Variants in RBFOX1 observed in about 807,000 individuals in gnomAD.
RBFOX1 encodes the protein RNA binding protein fox-1 homolog 1.
In RBFOX1, 8 loss-of-function variants were observed where a neutral mutation model predicts 57.7. The observed-to-expected ratio is 0.14, with a 90% CI of 0.08 to 0.25. RBFOX1 has a LOEUF of 0.25. RBFOX1 is among the 10% of genes least tolerant of loss of function. RBFOX1 has a pLI of 1.00. For synonymous variants in RBFOX1, 326 were observed against 222.4 expected (o/e 1.47, Z -4.15); for missense variants, 611 against 548.5 (o/e 1.11, Z -1.14).
intron 3 of RBFOX1, among the ~76,000 whole-genome samples, chr16:5,710,916 G>T (rs1286569294): frequency 6.6e-6 from 1 of 152,170 alleles, no homozygotes; most frequent in Non-Finnish European, 1.5e-5. Context: ...GAAAACATTA[G>T]CTTATGCTGT....
At chr16:6,409,575 T>A (rs2093392771) in intron 2 of RBFOX1, among the ~76,000 whole-genome samples, 1 of 152,132 alleles carries the variant, frequency 6.6e-6, no homozygotes, top group Non-Finnish European at 1.5e-5. Context: ...AGTTGTGGGA[T>A]TTTTTTAAGC....
At chr16:5,911,526 G>A (rs565702676) in intron 4 of RBFOX1, among the ~76,000 whole-genome samples, 3 of 152,136 alleles carry the variant, frequency 2.0e-5, no homozygotes, top group Non-Finnish European at 4.4e-5. Flanking sequence ...GCTGGTGTAC[G>A]TTATGAGTCT....
chr16:6,138,372 C>T (rs937684078), intron 1 of RBFOX1, among the ~76,000 whole-genome samples: 37 of 152,298 alleles, frequency 2.4e-4, no homozygotes, highest in African/African-American at 8.7e-4. Flanking sequence ...TTTAGAGGCT[C>T]ATAAGGCTGA....
chr16:5,896,575 C>G (rs2058168222), intron 4 of RBFOX1, among the ~76,000 whole-genome samples: 4 of 152,302 alleles, frequency 2.6e-5, no homozygotes, highest in Admixed American at 2.0e-4. Context: ...GTACAGCTTG[C>G]AGAACCATGA....
intron 3 of RBFOX1, among the ~76,000 whole-genome samples, chr16:5,843,957 C>T (rs1429905158): frequency 6.6e-6 from 1 of 152,116 alleles, no homozygotes; most frequent in Non-Finnish European, 1.5e-5. Context: ...GAAGAGTTTC[C>T]CTAGAGGGGA....
At chr16:7,704,455 G>T (rs926087297) in intron 14 of RBFOX1, among the ~76,000 whole-genome samples, 5 of 152,136 alleles carry the variant, frequency 3.3e-5, no homozygotes, top group African/African-American at 1.2e-4. Flanking sequence ...AATGTGTCTG[G>T]GAGCAGCTGA....
chr16:6,481,448 T>C (rs1165238491), intron 2 of RBFOX1, among the ~76,000 whole-genome samples: 1 of 152,260 alleles, frequency 6.6e-6, no homozygotes, highest in African/African-American at 2.4e-5. Flanking sequence ...GGGGTTGTAA[T>C]TAGGGCTTGC....
intron 9 of RBFOX1, among the ~76,000 whole-genome samples, chr16:7,604,205 G>A (rs993556299): frequency 1.3e-5 from 2 of 152,190 alleles, no homozygotes; most frequent in African/African-American, 2.4e-5. Context: ...GGTTTCATGA[G>A]TGGGGGGAGA....
intron 3 of RBFOX1, among the ~76,000 whole-genome samples, chr16:5,823,096 T>G (rs1003323945): frequency 6.6e-6 from 1 of 152,218 alleles, no homozygotes; most frequent in Non-Finnish European, 1.5e-5. Context: ...CTTTTCCCTC[T>G]TAGCGTATTA....
chr16:6,967,408 C>G (rs1211510908), intron 3 of RBFOX1, among the ~76,000 whole-genome samples: 1 of 152,074 alleles, frequency 6.6e-6, no homozygotes, highest in Non-Finnish European at 1.5e-5. Flanking sequence ...ATGGGAAGGC[C>G]AGTTGAAGCC....
chr16:7,615,137 T>A (rs1190917089), intron 10 of RBFOX1: 2 of 152,138 alleles, frequency 1.3e-5, no homozygotes, highest in Non-Finnish European at 2.9e-5. Context: ...ATTGAGACCA[T>A]CCTGGCTAAT....
intron 2 of RBFOX1, among the ~76,000 whole-genome samples, chr16:6,360,407 T>C (rs2088227234): frequency 6.6e-6 from 1 of 152,156 alleles, no homozygotes; most frequent in Non-Finnish European, 1.5e-5. Context: ...ATTGAGATGA[T>C]TTTAACATTC....
chr16:6,733,318 G>T (rs897572960), intron 3 of RBFOX1, among the ~76,000 whole-genome samples: 1 of 152,022 alleles, frequency 6.6e-6, no homozygotes, highest in Non-Finnish European at 1.5e-5. Flanking sequence ...TATGACTTGG[G>T]CATATATGTA....
At chr16:5,414,124 C>T (rs967739523) in intron 1 of RBFOX1, among the ~76,000 whole-genome samples, 3 of 152,114 alleles carry the variant, frequency 2.0e-5, no homozygotes. Context: ...AGTGCACTCC[C>T]GACCTGAACA....
At chr16:6,433,689 C>G (rs2094157164) in intron 2 of RBFOX1, among the ~76,000 whole-genome samples, 1 of 152,030 alleles carries the variant, frequency 6.6e-6, no homozygotes, top group Non-Finnish European at 1.5e-5. Context: ...TCCGGAGGCT[C>G]CAGGGAAGAA....
At chr16:7,680,076 C>A (rs2074349968) in intron 14 of RBFOX1, among the ~76,000 whole-genome samples, 3 of 152,152 alleles carry the variant, frequency 2.0e-5, no homozygotes. Context: ...GGCCTTTGGT[C>A]ATCCGGTCAT....
intron 3 of RBFOX1, among the ~76,000 whole-genome samples, chr16:5,736,998 A>C (rs2052601278): frequency 7.0e-6 from 1 of 143,288 alleles, no homozygotes; most frequent in East Asian, 2.1e-4. Context: ...ATTCTGTTTC[A>C]GTCTCATCCT....
intron 3 of RBFOX1, among the ~76,000 whole-genome samples, chr16:5,747,757 C>A (rs1422040340): frequency 2.0e-5 from 3 of 151,898 alleles, no homozygotes; most frequent in Non-Finnish European, 4.4e-5. Flanking sequence ...CTATTTGATT[C>A]TTCCCTCTTT....
chr16:6,256,283 GTGTGTATATATA>G (rs1246338894), intron 1 of RBFOX1, among the ~76,000 whole-genome samples: 8,497 of 130,806 alleles, frequency 0.065, 745 homozygotes, highest in African/African-American at 0.19. Context: ...ATATATATAT[GTGTGTATATATA>G]TATGTATATA....
Sources: allele counts gnomAD v4.1 joint callset (sites outside exome capture counted in the v4.1 genomes callset), GRCh38; gene constraint gnomAD v4.1.1; transcripts MANE v1.5; gene names NCBI Gene and HGNC (gene_info 2026-07-23, HGNC 2026-07-21).